Variants in DOCK4 observed in about 807,000 individuals in gnomAD.
DOCK4 encodes dedicator of cytokinesis 4.
Under a neutral mutation model 268.1 loss-of-function variants are expected in DOCK4, and 97 were observed. The ratio of observed to expected loss-of-function variants is 0.36; its 90% CI spans 0.31 to 0.43. DOCK4 has a LOEUF of 0.43. Among genes scored for constraint, DOCK4 ranks in the 20% least tolerant of loss-of-function variants. The pLI is 1.00. For synonymous variants in DOCK4, 954 were observed against 887.2 expected (o/e 1.08, Z -1.34); for missense variants, 2,145 against 2,455.7 (o/e 0.87, Z 2.67).
intron 4 of DOCK4, among the ~76,000 whole-genome samples, chr7:111,996,184 T>C (rs890204873): frequency 1.3e-5 from 2 of 152,196 alleles, no homozygotes; most frequent in Non-Finnish European, 2.9e-5. Context: ...TATAATTTAA[T>C]TGACCTCCAA....
chr7:112,098,766 C>CTT (rs10696352), intron 1 of DOCK4, among the ~76,000 whole-genome samples: 57,964 of 149,378 alleles, frequency 0.39, 11,461 homozygotes, highest in Non-Finnish European at 0.43. Flanking sequence ...TAGTATTTAA[C>CTT]AGGCTCATGA....
intron 44 of DOCK4, among the ~76,000 whole-genome samples, chr7:111,745,960 C>T (rs1796237256): frequency 6.6e-6 from 1 of 152,042 alleles, no homozygotes; most frequent in Non-Finnish European, 1.5e-5. Context: ...TATAAAATGA[C>T]CTTCAGGCTA....
rs867579605 is a variant in DOCK4 at position 111,727,142 on chromosome 7, C to T, written c.*1132G>A. On this transcript the variant is annotated 3_prime_UTR_variant, in exon 53 of 53. Transcript: ENST00000428084. ...ACTTCTACAACTGGCATTAGCATCC[C>T]TATCTAGACCTAAGATGCTATGTTG... is the stretch of plus-strand genomic sequence containing the variant. The T allele has an allele frequency of 6.6e-5, 10 of 152,650 alleles. No individual in the cohort carries two copies. Among genetic ancestry groups the T allele is most frequent in the African/African-American group, 2.4e-4 (10 of 41,452 alleles). The allele number at this position is 152,650 out of a possible 1,614,324, so 9.5% of individuals were successfully genotyped here.
intron 1 of DOCK4, among the ~76,000 whole-genome samples, chr7:112,049,976 G>A (rs1170497706): frequency 6.6e-6 from 1 of 152,088 alleles, no homozygotes; most frequent in African/African-American, 2.4e-5. Flanking sequence ...ATCCTTTGGA[G>A]TTTCATTTCT....
At chr7:112,129,664 G>A (rs1813613370) in intron 1 of DOCK4, among the ~76,000 whole-genome samples, 1 of 152,118 alleles carries the variant, frequency 6.6e-6, no homozygotes, top group Non-Finnish European at 1.5e-5. Flanking sequence ...TTCTTCATGT[G>A]GAAGTAGACT....
At chr7:112,025,559 C>A (rs1038950471) in intron 1 of DOCK4, among the ~76,000 whole-genome samples, 10 of 152,178 alleles carry the variant, frequency 6.6e-5, no homozygotes, top group African/African-American at 2.4e-4. Context: ...CTCAGCCCCT[C>A]TGATTCCTCC....
chr7:111,729,603 A>G (rs995930950), intron 52 of DOCK4, among the ~76,000 whole-genome samples: 1 of 152,192 alleles, frequency 6.6e-6, no homozygotes, highest in Non-Finnish European at 1.5e-5. Context: ...TTAGTCCTAT[A>G]GTTTGGAAGA....
Position 111,732,245 on chromosome 7 carries a change from G to A in DOCK4, c.5462C>T (p.Ala1821Val), listed in dbSNP as rs559679433. ...CTTTACCTTCAATGGAGATCGCCCG[G>A]CAGGCGAGGGGGATACTGATGTCGT... ...RHTTSVSPSPAGRSPLKGSVQ... is the reference protein window; with the variant it reads ...RHTTSVSPSPVGRSPLKGSVQ... Residue 1821 changes from alanine to valine, a missense_variant, in exon 52 of 53, where the codon GCC (alanine) becomes GTC (valine). By Grantham distance (64) the Ala-to-Val change is moderately conservative (BLOSUM62 0). Coordinates refer to ENST00000428084, the MANE Select transcript of DOCK4 (RefSeq NM_001363540.2). The A allele has an allele frequency of 4.3e-5, 70 of 1,614,012 alleles. No homozygotes were observed. In the South Asian group the frequency reaches 6.8e-4, roughly 16 times the overall value.
At chr7:112,160,141 C>T (rs1200060080) in intron 1 of DOCK4, among the ~76,000 whole-genome samples, 1 of 152,180 alleles carries the variant, frequency 6.6e-6, no homozygotes, top group Non-Finnish European at 1.5e-5. Flanking sequence ...AACCTGTATT[C>T]TCCTCTGTCT....
chr7:112,046,137 T>C (rs1409367982), intron 1 of DOCK4, among the ~76,000 whole-genome samples: 2 of 152,212 alleles, frequency 1.3e-5, no homozygotes, highest in African/African-American at 4.8e-5. Context: ...TTGGATATAC[T>C]TGGCATTTAC....
intron 16 of DOCK4, among the ~76,000 whole-genome samples, chr7:111,893,710 T>G (rs1786644187): frequency 6.6e-6 from 1 of 152,208 alleles, no homozygotes; most frequent in South Asian, 2.1e-4. Flanking sequence ...CTTTCTATTT[T>G]AACACCTTTA....
In DOCK4 at chr7:112,047,914, C is replaced by T. The variant is rs574678626; in HGVS notation, c.38-43783G>A. On this transcript the variant is annotated intron_variant, in intron 1 of 52. Transcript: ENST00000428084. ...CTATGTTTCAGAGGCTCATCTATAA[C>T]GCCTGGCCTCAAGGGATCCTCCCAC... Among the ~76,000 whole-genome samples the T allele has an allele frequency of 3.2e-4, 49 of 152,214 alleles. 2 individuals are homozygous for T. In the South Asian group the frequency reaches 8.7e-3, roughly 27 times the overall value.
At chr7:111,944,496 T>A (rs1463683777) in intron 10 of DOCK4, among the ~76,000 whole-genome samples, 3 of 152,182 alleles carry the variant, frequency 2.0e-5, no homozygotes, top group Non-Finnish European at 4.4e-5. Flanking sequence ...TAACAGAAAT[T>A]AGAATTTTAA....
intron 1 of DOCK4, among the ~76,000 whole-genome samples, chr7:112,156,466 T>G (rs1387062908): frequency 6.6e-6 from 1 of 152,218 alleles, no homozygotes; most frequent in South Asian, 2.1e-4. Flanking sequence ...GTTTAAATAT[T>G]TGGTTAATCA....
chr7:112,199,401 C>G (rs1035249058), intron 1 of DOCK4, among the ~76,000 whole-genome samples: 10 of 152,152 alleles, frequency 6.6e-5, no homozygotes, highest in African/African-American at 2.4e-4. Context: ...CAGGGTACTG[C>G]ATATCAGTTT....
chr7:111,736,204 G>A (rs1795460055), intron 50 of DOCK4, among the ~76,000 whole-genome samples: 1 of 152,194 alleles, frequency 6.6e-6, no homozygotes, highest in African/African-American at 2.4e-5. Flanking sequence ...CACTTTCCCA[G>A]ACTATTTCAT....
chr7:111,780,747 C>A (rs929226872), intron 35 of DOCK4, among the ~76,000 whole-genome samples: 1 of 152,154 alleles, frequency 6.6e-6, no homozygotes, highest in Non-Finnish European at 1.5e-5. Flanking sequence ...AGAGAAGTCT[C>A]TAAGAGGAAG....
intron 1 of DOCK4, among the ~76,000 whole-genome samples, chr7:112,019,386 T>C (rs1275328088): frequency 6.6e-6 from 1 of 152,196 alleles, no homozygotes. Context: ...TCTTATTTTA[T>C]AGCCTCTGCT....
At chr7:112,175,139 A>G (rs1818400144) in intron 1 of DOCK4, among the ~76,000 whole-genome samples, 1 of 151,978 alleles carries the variant, frequency 6.6e-6, no homozygotes, top group Non-Finnish European at 1.5e-5. Flanking sequence ...CTGGGATTAC[A>G]GGTGTGAGTC....
Sources: allele counts gnomAD v4.1 joint callset (sites outside exome capture counted in the v4.1 genomes callset), GRCh38; gene constraint gnomAD v4.1.1; transcripts MANE v1.5; gene names NCBI Gene and HGNC (gene_info 2026-07-23, HGNC 2026-07-21).